SF3A3: variants seen among roughly 807,000 people sequenced by gnomAD.
The protein encoded by SF3A3 is SAP 61.
SF3A3 carries 9 observed loss-of-function variants against 85.8 expected under a neutral mutation model. The observed-to-expected ratio is 0.10, with a 90% confidence interval of 0.06 to 0.18. The LOEUF (loss-of-function observed/expected upper bound fraction) is 0.18, where lower values mean the gene tolerates loss of function less well. SF3A3 is among the 10% of genes least tolerant of loss of function. The probability of loss-of-function intolerance (pLI) is 1.00; values close to 1 mark genes in which losing one functional copy is unlikely to be tolerated. For synonymous variants in SF3A3, 195 were observed against 204.4 expected (o/e 0.95, Z 0.39); for missense variants, 306 against 593.3 (o/e 0.52, Z 5.03).
At chr1:37,965,990 CA>C (rs1243747233) in intron 15 of SF3A3, among the ~76,000 whole-genome samples, 1 of 152,020 alleles carries the variant, frequency 6.6e-6, no homozygotes, top group Non-Finnish European at 1.5e-5. Context: ...CACCTGAGAT[CA>C]GGAGTTTGAG....
chr1:37,958,481 G>A (rs774737274), intron 16 of SF3A3, among the ~76,000 whole-genome samples: 10 of 152,292 alleles, frequency 6.6e-5, no homozygotes, highest in Non-Finnish European at 1.0e-4. Context: ...AACTTCTCTC[G>A]TAGACATCTA....
At chr1:37,970,333 A>C (rs1304054297) in intron 12 of SF3A3, among the ~76,000 whole-genome samples, 1 of 151,910 alleles carries the variant, frequency 6.6e-6, no homozygotes, top group African/African-American at 2.4e-5. Flanking sequence ...TATGCACACA[A>C]TACAGGAGCA....
At chr1:37,965,512 C>G (rs780807094) in intron 15 of SF3A3, among the ~76,000 whole-genome samples, 2 of 151,858 alleles carry the variant, frequency 1.3e-5, no homozygotes, top group Non-Finnish European at 2.9e-5. Flanking sequence ...CCAGCACTTT[C>G]GGAGGCTGAG....
intron 12 of SF3A3, among the ~76,000 whole-genome samples, chr1:37,975,882 C>A (rs189173580): frequency 6.6e-6 from 1 of 152,106 alleles, no homozygotes; most frequent in African/African-American, 2.4e-5. Context: ...TTGGGCTGGG[C>A]GCGGTGGCTC....
At chr1:37,969,277 G>A in intron 14 of SF3A3, 77 bp downstream of exon 14, 1 of 1,069,936 alleles carries the variant, frequency 9.3e-7, no homozygotes, top group Admixed American at 1.8e-5. Context: ...GGTCCACATA[G>A]GCTGCTCCTA....
chr1:37,964,142 G>A (rs921546795), intron 15 of SF3A3, among the ~76,000 whole-genome samples: 1 of 152,078 alleles, frequency 6.6e-6, no homozygotes, highest in Non-Finnish European at 1.5e-5. Flanking sequence ...TTGCGCCACT[G>A]CACTCCAGCC....
intron 15 of SF3A3, among the ~76,000 whole-genome samples, chr1:37,964,975 A>G (rs1042929306): frequency 2.0e-5 from 3 of 152,158 alleles, no homozygotes; most frequent in Non-Finnish European, 2.9e-5. Flanking sequence ...CCTGGCCAAC[A>G]TGGTGAAACC....
At chr1:37,989,679 C>T in intron 1 of SF3A3, 84 bp from the exon 2 acceptor site, 1 of 1,492,842 alleles carries the variant, frequency 6.7e-7, no homozygotes. Context: ...CTTACCCGCT[C>T]AGCTTTTACC....
In SF3A3 at chr1:37,969,685, T is replaced by C. The variant is rs1209608887; in HGVS notation, c.1056A>G (p.Thr352=). Residue 352 remains threonine, a synonymous_variant, in exon 13 of 17, where the codon ACA becomes ACG. Coordinates refer to ENST00000373019, the MANE Select transcript of SF3A3 (RefSeq NM_006802.4). ...CTTCCTCTTCTTCTCGCTCTTCTCC[T>C]GTCCTGGCTTGCTTGCGCTGTACAT... ...HENVQRKQAR[T]GEEREEEEEE... 1.2e-6 allele frequency: 2 copies of C among 1,614,068 alleles called. No individual in the cohort carries two copies. Among genetic ancestry groups the C allele is most frequent in the Non-Finnish European group, 8.5e-7 (1 of 1,180,000 alleles).
chr1:37,960,174 C>T lies in SF3A3; in HGVS notation c.1374G>A (p.Leu458=), dbSNP rs761762937. ...NVTQIEDAVS[L]WAKLKLQKAS... ...CCTTCTGCAATTTCAGTTTGGCCCA[C>T]ACTGCAGGATGAGAAATGAACAGCA... Residue 458 remains leucine, a splice_region_variant and synonymous_variant, in exon 16 of 17, where the codon TTG becomes TTA. Coordinates refer to ENST00000373019, the MANE Select transcript of SF3A3 (RefSeq NM_006802.4). 1.2e-6 allele frequency: 2 copies of T among 1,613,950 alleles called. No individual in the cohort carries two copies. Among genetic ancestry groups the T allele is most frequent in the East Asian group, 2.2e-5 (1 of 44,882 alleles).
chr1:37,982,687 T>A (rs956167631), intron 6 of SF3A3, among the ~76,000 whole-genome samples: 1 of 152,068 alleles, frequency 6.6e-6, no homozygotes, highest in Admixed American at 6.6e-5. Context: ...TAAGCTATTT[T>A]TAAACATCTT....
rs10699691 is a variant in SF3A3 at position 37,961,759 on chromosome 1, C to CAAAAAAAAAAAA, written c.1373-1596_1373-1585dup. Among the ~76,000 whole-genome samples, 100 of 37,742 alleles carry CAAAAAAAAAAAA rather than the reference C, an allele frequency of 2.6e-3. 3 individuals carry two copies. Among genetic ancestry groups the CAAAAAAAAAAAA allele is most frequent in the East Asian group, 0.012 (9 of 776 alleles). 24.8% of individuals were successfully genotyped at this position (37,742 alleles called of 152,430 possible). ...AGCCTGGGTGACAAAGCAAGACTGC[C>CAAAAAAAAAAAA]AAAAAAAAAAAAAAAAAAAAAAAAG... On this transcript the variant is annotated intron_variant, in intron 15 of 16. Transcript: ENST00000373019.
At chr1:37,989,719 G>A in intron 1 of SF3A3, 124 bp from the exon 2 acceptor site, 1 of 1,263,704 alleles carries the variant, frequency 7.9e-7, no homozygotes, top group Non-Finnish European at 1.1e-6. Context: ...CTGGGGCTCC[G>A]GACCCCGGGA....
intron 12 of SF3A3, among the ~76,000 whole-genome samples, chr1:37,976,161 A>G (rs2148720692): frequency 1.3e-5 from 2 of 152,094 alleles, no homozygotes; most frequent in South Asian, 4.2e-4. Context: ...GTCTCAAAAA[A>G]AAAAAAAAAA....
chr1:37,987,304 C>G (rs1646464013), intron 4 of SF3A3, among the ~76,000 whole-genome samples: 1 of 152,170 alleles, frequency 6.6e-6, no homozygotes, highest in Admixed American at 6.5e-5. Flanking sequence ...GTCTTGAACT[C>G]CTGACCTCAG....
At chr1:37,973,019 A>C (rs1646354078) in intron 12 of SF3A3, among the ~76,000 whole-genome samples, 1 of 152,030 alleles carries the variant, frequency 6.6e-6, no homozygotes, top group Non-Finnish European at 1.5e-5. Context: ...TGTCTCACTA[A>C]ATACACAAAA....
chr1:37,965,318 A>AAG (rs1163634629), intron 15 of SF3A3, among the ~76,000 whole-genome samples: 4 of 139,036 alleles, frequency 2.9e-5, no homozygotes, highest in Non-Finnish European at 4.6e-5. Flanking sequence ...AAAAAAAAAA[A>AAG]AGAAAATAAA....
chr1:37,983,378 GT>G (rs1197043438), intron 6 of SF3A3, among the ~76,000 whole-genome samples: 14 of 151,052 alleles, frequency 9.3e-5, no homozygotes, highest in African/African-American at 3.4e-4. Context: ...GAGCTCAGGA[GT>G]TTAAGACCAG....
At chr1:37,961,659 T>C (rs1017584476) in intron 15 of SF3A3, among the ~76,000 whole-genome samples, 2 of 145,662 alleles carry the variant, frequency 1.4e-5, no homozygotes, top group Non-Finnish European at 3.0e-5. Context: ...GGAGAAGTTA[T>C]GTGCTTACTA....
Sources: allele counts gnomAD v4.1 joint callset (sites outside exome capture counted in the v4.1 genomes callset), GRCh38; gene constraint gnomAD v4.1.1; transcripts MANE v1.5; gene names NCBI Gene and HGNC (gene_info 2026-07-23, HGNC 2026-07-21).